Variants in PLCXD3 observed in about 807,000 individuals in gnomAD.
The protein encoded by PLCXD3 is PI-PLC X domain-containing protein 3.
In PLCXD3, 19 loss-of-function variants were observed where a neutral mutation model predicts 25.5. The observed-to-expected ratio is 0.75, with a 90% CI of 0.52 to 1.09. The LOEUF is 1.09. Ranked by LOEUF, PLCXD3 falls within the 50% of genes least tolerant of loss-of-function variation. The pLI is 0.00. For missense variants in PLCXD3, 411 were observed against 388.1 expected, an observed-to-expected ratio of 1.06 and a Z score of -0.50; for synonymous variants, 174 against 137.6, an observed-to-expected ratio of 1.26 and a Z score of -1.85.
Position 41,357,899 on chromosome 5 carries a change from C to T in PLCXD3, c.812+23927G>A, listed in dbSNP as rs139125422. 4.7e-3 allele frequency among the ~76,000 whole-genome samples: 714 copies of T among 152,126 alleles called. 2 individuals carry two copies. Among genetic ancestry groups the T allele is most frequent in the African/African-American group, 0.013 (550 of 41,496 alleles). ...ATGTGCCCACATCTATTGAAAACTC[C>T]GAATCATCATAATCTGTATTACAAT... On this transcript the variant is annotated intron_variant, in intron 2 of 2. Coordinates refer to ENST00000377801, the MANE Select transcript of PLCXD3 (RefSeq NM_001005473.3).
At position 41,309,157 on chromosome 5, in the gene PLCXD3, T is replaced by A. The variant is rs1360418332; in HGVS notation, c.*4460A>T. On this transcript the variant is annotated 3_prime_UTR_variant, in exon 3 of 3. Coordinates refer to ENST00000377801, the MANE Select transcript of PLCXD3 (RefSeq NM_001005473.3). ...CATACAAGCACATACTTTTGACTCA[T>A]ACAAATATACGTTTAAAACTATTAC... 1.3e-5 allele frequency: 2 copies of A among 152,550 alleles called. No homozygotes were observed. The highest frequency in any genetic ancestry group is 4.8e-5 in the African/African-American group (2 of 41,452). 9.4% of individuals were successfully genotyped at this position (152,550 alleles called of 1,614,324 possible). A position where few individuals can be genotyped will look rare whatever the true frequency, so the allele number is the denominator to read the frequency against.
chr5:41,339,805 A>G (rs1252844768), intron 2 of PLCXD3, among the ~76,000 whole-genome samples: 1 of 152,190 alleles, frequency 6.6e-6, no homozygotes, highest in Non-Finnish European at 1.5e-5. Flanking sequence ...CTATAATGCT[A>G]TAAAAATGAC....
intron 1 of PLCXD3, among the ~76,000 whole-genome samples, chr5:41,429,343 G>A (rs906613641): frequency 1.3e-5 from 2 of 152,018 alleles, no homozygotes; most frequent in African/African-American, 4.8e-5. Context: ...TGGGGGAAGG[G>A]CACATTCAGT....
chr5:41,489,252 T>C (rs1160520320), intron 1 of PLCXD3, among the ~76,000 whole-genome samples: 1 of 152,180 alleles, frequency 6.6e-6, no homozygotes, highest in Non-Finnish European at 1.5e-5. Context: ...ATAAGCGGCA[T>C]TATTTCTGAG....
At chr5:41,352,530 T>C (rs1744493738) in intron 2 of PLCXD3, among the ~76,000 whole-genome samples, 1 of 152,198 alleles carries the variant, frequency 6.6e-6, no homozygotes, top group Admixed American at 6.5e-5. Context: ...AAATTTATGA[T>C]AATTAGCCTA....
At chr5:41,406,473 T>A (rs1412884984) in intron 1 of PLCXD3, among the ~76,000 whole-genome samples, 1 of 152,150 alleles carries the variant, frequency 6.6e-6, no homozygotes, top group Non-Finnish European at 1.5e-5. Context: ...TGTCCACTGT[T>A]ACATTTCCTT....
rs189704526 is a variant in PLCXD3 at position 41,382,320 on chromosome 5, G to A, written c.318C>T (p.Pro106=). 71 of 1,613,378 alleles carry A rather than the reference G, an allele frequency of 4.4e-5. No individual in the cohort carries two copies. The highest frequency in any genetic ancestry group is 1.8e-4 in the Admixed American group (11 of 59,912). Residue 106 remains proline (P), a synonymous_variant, in exon 2 of 3, where the codon CCC becomes CCT. Coordinates refer to ENST00000377801, the MANE Select transcript of PLCXD3 (RefSeq NM_001005473.3). ...CATGAGCAAAATAGAGTTCATTGTC[G>A]GGGTCTCTGGGCTTGGTGGAAATTC... ...DLRISTKPRD[P]DNELYFAHGL...
chr5:41,388,097 A>C, intron 1 of PLCXD3, among the ~76,000 whole-genome samples: 1 of 152,008 alleles, frequency 6.6e-6, no homozygotes, highest in East Asian at 1.9e-4. Context: ...ATTTTGCCTT[A>C]GTTTCTTGCT....
intron 1 of PLCXD3, among the ~76,000 whole-genome samples, chr5:41,427,878 G>A (rs1344437126): frequency 6.6e-6 from 1 of 152,056 alleles, no homozygotes; most frequent in East Asian, 1.9e-4. Flanking sequence ...CACCATCAAA[G>A]GCACATGGGA....
chr5:41,309,242 CAT>C lies in PLCXD3; in HGVS notation c.*4373_*4374del, dbSNP rs2150465012. The C allele has an allele frequency of 6.6e-6, 1 of 152,618 alleles. No homozygotes were observed. Among genetic ancestry groups the C allele is most frequent in the East Asian group, 1.9e-4 (1 of 5,180 alleles). The allele number at this position is 152,618 out of a possible 1,614,324, so 9.5% of individuals were successfully genotyped here. ...CACAATTTTCAACAGATTCAATTGA[CAT>C]GTTTTACAAATTCTACAGAACACTT... is the stretch of plus-strand genomic sequence containing the variant. On this transcript the variant is annotated 3_prime_UTR_variant, in exon 3 of 3. Transcript: ENST00000377801.
At chr5:41,404,818 A>G (rs995190440) in intron 1 of PLCXD3, among the ~76,000 whole-genome samples, 1 of 152,258 alleles carries the variant, frequency 6.6e-6, no homozygotes, top group Non-Finnish European at 1.5e-5. Context: ...GTATCAAGTC[A>G]ATTTCATCTG....
chr5:41,310,988 G>A lies in PLCXD3; in HGVS notation c.*2629C>T, dbSNP rs1214969584. On this transcript the variant is annotated 3_prime_UTR_variant, in exon 3 of 3. Coordinates refer to ENST00000377801, the MANE Select transcript of PLCXD3 (RefSeq NM_001005473.3). ...TTTTCCAGAACCCAGTTGACAAATA[G>A]GACAAAGTTAATTCTAAGCAAACAC... 2.0e-5 allele frequency: 3 copies of A among 152,150 alleles called. No individual in the cohort carries two copies. Among genetic ancestry groups the A allele is most frequent in the Admixed American group, 1.3e-4 (2 of 15,260 alleles). The allele number at this position is 152,150 out of a possible 1,614,324, so 9.4% of individuals were successfully genotyped here.
At chr5:41,339,669 T>C (rs1327652215) in intron 2 of PLCXD3, among the ~76,000 whole-genome samples, 2 of 152,156 alleles carry the variant, frequency 1.3e-5, no homozygotes, top group Non-Finnish European at 2.9e-5. Context: ...CATCATAGAA[T>C]ATGTCATATG....
intron 2 of PLCXD3, among the ~76,000 whole-genome samples, chr5:41,349,567 T>C (rs562209519): frequency 6.6e-6 from 1 of 152,326 alleles, no homozygotes; most frequent in South Asian, 2.1e-4. Context: ...TCATGCAGGA[T>C]GTGGAGTTGA....
chr5:41,439,150 C>T (rs1747322552), intron 1 of PLCXD3, among the ~76,000 whole-genome samples: 1 of 152,120 alleles, frequency 6.6e-6, no homozygotes, highest in Admixed American at 6.5e-5. Flanking sequence ...TCCTCTGAAC[C>T]ATCCAAAGCA....
intron 2 of PLCXD3, among the ~76,000 whole-genome samples, chr5:41,366,655 T>C (rs1028277963): frequency 6.6e-5 from 10 of 152,228 alleles, no homozygotes; most frequent in African/African-American, 2.2e-4. Context: ...CTTTTTCTTT[T>C]GATTCCGAAC....
In PLCXD3 at chr5:41,333,970, A is replaced by T. The variant is rs148207027; in HGVS notation, c.813-20200T>A. Among the ~76,000 whole-genome samples the T allele has an allele frequency of 3.8e-3, 575 of 152,286 alleles. 4 individuals carry two copies. Among genetic ancestry groups the T allele is most frequent in the African/African-American group, 0.013 (558 of 41,566 alleles). On this transcript the variant is annotated intron_variant, in intron 2 of 2. Transcript: ENST00000377801. ...AAATTCAAACCCCATTTATAGCTTG[A>T]TAAAGACATCCGTTTGACAAATATT...
intron 1 of PLCXD3, among the ~76,000 whole-genome samples, chr5:41,394,695 A>G (rs969758610): frequency 6.6e-6 from 1 of 152,220 alleles, no homozygotes; most frequent in Non-Finnish European, 1.5e-5. Context: ...GGACTTCAAG[A>G]CAAAAACTAA....
intron 1 of PLCXD3, among the ~76,000 whole-genome samples, chr5:41,450,207 G>A (rs2067368299): frequency 6.6e-6 from 1 of 152,100 alleles, no homozygotes. Context: ...GGAGGGTGCT[G>A]TATAAAGACT....
Sources: gnomAD v4.1 joint callset for allele counts (sites outside exome capture counted in the v4.1 genomes callset) on GRCh38, gnomAD v4.1.1 for gene constraint, MANE v1.5 for transcripts, NCBI Gene and HGNC (gene_info 2026-07-23, HGNC 2026-07-21) for gene names.